The following AREL1 variants were observed in gnomAD, a reference collection of about 807,000 sequenced individuals.
The protein encoded by AREL1 is apoptosis-resistant E3 ubiquitin protein ligase 1.
AREL1 carries 62 observed loss-of-function variants against 99.0 expected under a neutral mutation model. That is an observed-to-expected ratio of 0.63 (90% CI 0.51 to 0.77). AREL1 has a LOEUF of 0.77. Ranked by LOEUF, AREL1 falls within the 30% of genes least tolerant of loss-of-function variation. AREL1 has a pLI of 0.00. For missense variants in AREL1, 879 were observed against 1,027.6 expected (o/e 0.86, Z 1.98); for synonymous variants, 380 against 376.5 (o/e 1.01, Z -0.11).
rs1234363636 is a variant in AREL1 at position 74,676,861 on chromosome 14, A to G, written c.482-109T>C. ...GCCCAGGCTGGAGTGCAGTGGCGCA[A>G]TCTCGGCTCACTGCAAGCTCTGCCT... On this transcript the variant is annotated intron_variant, in intron 5 of 19. Coordinates refer to ENST00000356357, the MANE Select transcript of AREL1 (RefSeq NM_001039479.2). The G allele has an allele frequency of 3.4e-6, 3 of 885,798 alleles. No homozygotes were observed. The East Asian group carries it at 1.0e-4, about 30-fold the overall frequency. The allele number at this position is 885,798 out of a possible 1,614,324, so 54.9% of individuals were successfully genotyped here. A position where few individuals can be genotyped will look rare whatever the true frequency, so the allele number is the denominator to read the frequency against.
chr14:74,709,801 T>C (rs2090248642), intron 1 of AREL1, among the ~76,000 whole-genome samples: 1 of 152,252 alleles, frequency 6.6e-6, no homozygotes, highest in Non-Finnish European at 1.5e-5. Context: ...AATCTACTTA[T>C]AACTTTCTAA....
chr14:74,664,695 G>A (rs986097659), intron 18 of AREL1, 141 bp downstream of exon 18: 5 of 457,474 alleles, frequency 1.1e-5, no homozygotes, highest in Non-Finnish European at 1.9e-5. Flanking sequence ...TCCTGACTTT[G>A]TGATCCGCCT....
chr14:74,664,129 A>G (rs1476697686), intron 18 of AREL1, 55 bp from the exon 19 acceptor site: 1 of 1,563,412 alleles, frequency 6.4e-7, no homozygotes, highest in South Asian at 1.2e-5. Context: ...CTAGGATTAG[A>G]TCCCTGGGGA....
intron 18 of AREL1, among the ~76,000 whole-genome samples, 187 bp downstream of exon 18, chr14:74,664,649 C>G (rs531030831): frequency 7.1e-6 from 1 of 139,884 alleles, no homozygotes; most frequent in African/African-American, 2.7e-5. Context: ...TTAGTAGAGT[C>G]GGGCTTTCAC....
chr14:74,698,614 A>G lies in AREL1; in HGVS notation c.-333-6286T>C, dbSNP rs10138739. ...ACTTGGTCCGCCATGGGAGAAGGAC[A>G]ATGCAATGTTGCAAGTGCCATAAAA... On this transcript the variant is annotated intron_variant, in intron 1 of 19. Transcript: ENST00000356357. 8.1e-3 allele frequency: 1,242 copies of G among 153,210 alleles called. 12 individuals are homozygous for G. The highest frequency in any genetic ancestry group is 0.028 in the African/African-American group (1,165 of 41,620). 9.5% of individuals were successfully genotyped at this position (153,210 alleles called of 1,614,324 possible). A position where few individuals can be genotyped will look rare whatever the true frequency, so the allele number is the denominator to read the frequency against.
Position 74,662,817 on chromosome 14 carries a change from T to C in AREL1, c.*903A>G, listed in dbSNP as rs985489587. 7 of 386,338 alleles carry C rather than the reference T, an allele frequency of 1.8e-5. No homozygotes were observed. The highest frequency in any genetic ancestry group is 1.4e-4 in the African/African-American group (7 of 48,364). The allele number at this position is 386,338 out of a possible 1,614,324, so 23.9% of individuals were successfully genotyped here. A position where few individuals can be genotyped will look rare whatever the true frequency, so the allele number is the denominator to read the frequency against. On this transcript the variant is annotated 3_prime_UTR_variant, in exon 20 of 20. Transcript: ENST00000356357. ...TCTTTTGCTACAAAATTTTCTTCAG[T>C]AGAATGCTAAAGGATCCCCAGCTTT...
chr14:74,682,522 T>C (rs1314478947), intron 5 of AREL1, among the ~76,000 whole-genome samples: 1 of 152,066 alleles, frequency 6.6e-6, no homozygotes, highest in Non-Finnish European at 1.5e-5. Flanking sequence ...GTACATAAAA[T>C]AGAATATTAT....
chr14:74,712,068 G>GAAAAAAAAAAAAAAAAAAAAA (rs1365570759), intron 1 of AREL1: 2 of 61,730 alleles, frequency 3.2e-5, no homozygotes, highest in East Asian at 4.8e-4. Flanking sequence ...AAAAAAAAAA[G>GAAAAAAAAAAAAAAAAAAAAA]AAAAAAAAAG....
At chr14:74,678,388 C>T (rs1276880689) in intron 5 of AREL1, 30 of 303,694 alleles carry the variant, frequency 9.9e-5, no homozygotes, top group Non-Finnish European at 6.4e-6. Flanking sequence ...GTCCCAGCTA[C>T]TCGGGAGGTT....
rs140183986 is a variant in AREL1, at chr14:74,681,545, C to T, written c.481+1751G>A. Among the ~76,000 whole-genome samples the T allele has an allele frequency of 7.1e-3, 1,072 of 152,028 alleles. 14 individuals are homozygous for T. The highest frequency in any genetic ancestry group is 0.025 in the African/African-American group (1,024 of 41,460). On this transcript the variant is annotated intron_variant, in intron 5 of 19. Transcript: ENST00000356357. ...ATCCCAGCACTTTGGGAGGCTGAGG[C>T]GAGCGGATCATGAGGTCAGGAGATC...
chr14:74,664,036 G>C lies in AREL1; in HGVS notation c.2232C>G (p.Thr744=). ...GAAGTAGCCGAGCCAACTCCTCCTG[G>C]GTCAGACTGGAAACCACAGTCCAAA... The part of the protein sequence containing the change: ...RWFWTVVSSL[T]QEELARLLQF... Residue 744 remains threonine, a synonymous_variant, in exon 19 of 20, where the codon ACC becomes ACG. Transcript: ENST00000356357. The C allele has an allele frequency of 1.2e-6, 2 of 1,614,030 alleles. No individual in the cohort carries two copies. The highest frequency in any genetic ancestry group is 2.2e-5 in the South Asian group (2 of 91,070).
chr14:74,690,019 G>A (rs1056852593), intron 2 of AREL1, among the ~76,000 whole-genome samples: 1 of 151,874 alleles, frequency 6.6e-6, no homozygotes, highest in African/African-American at 2.4e-5. Flanking sequence ...AGGCTGAGGT[G>A]GGAAGATCAC....
chr14:74,694,215 A>G (rs1344413554), intron 1 of AREL1, among the ~76,000 whole-genome samples: 1 of 152,088 alleles, frequency 6.6e-6, no homozygotes, highest in East Asian at 1.9e-4. Context: ...ATGCCAACAG[A>G]CTTGCCAAGT....
rs1340286057 is a variant in AREL1 at position 74,663,139 on chromosome 14, T to A, written c.*581A>T. 1 of 155,506 alleles carries A rather than the reference T, an allele frequency of 6.4e-6. No homozygotes were observed. Among genetic ancestry groups the A allele is most frequent in the African/African-American group, 2.4e-5 (1 of 41,542 alleles). 9.6% of individuals were successfully genotyped at this position (155,506 alleles called of 1,614,324 possible). A position where few individuals can be genotyped will look rare whatever the true frequency, so the allele number is the denominator to read the frequency against. On this transcript the variant is annotated 3_prime_UTR_variant, in exon 20 of 20. Transcript: ENST00000356357. Reference sequence around the variant, plus strand: ...TGACACCACAAAAAAATATTCTTTTTAGCAGTCCTTAGAGGCAGTCCAGTG... The same window carrying A: ...TGACACCACAAAAAAATATTCTTTTAAGCAGTCCTTAGAGGCAGTCCAGTG...
chr14:74,701,509 A>G (rs2090085275), intron 1 of AREL1, among the ~76,000 whole-genome samples: 1 of 152,226 alleles, frequency 6.6e-6, no homozygotes, highest in Admixed American at 6.5e-5. Context: ...CCACAAGAAC[A>G]GTATGTGGGA....
chr14:74,704,365 AT>A (rs2090138476), intron 1 of AREL1, among the ~76,000 whole-genome samples: 3 of 152,152 alleles, frequency 2.0e-5, no homozygotes, highest in Admixed American at 6.5e-5. Flanking sequence ...GCTTTTATAC[AT>A]TTTAGGGAGA....
intron 5 of AREL1, among the ~76,000 whole-genome samples, chr14:74,677,781 G>A (rs1213513514): frequency 1.3e-5 from 2 of 149,870 alleles, no homozygotes; most frequent in East Asian, 1.9e-4. Context: ...AATTACAGGC[G>A]TAAGCCACGG....
At position 74,684,563 on chromosome 14, in the gene AREL1, G is replaced by T; in HGVS notation, c.134C>A (p.Thr45Asn). ...ATTTCCCCGCACGTAGTCATAAATA[G>T]TCCGGTCCCCTCGGCGCTCGCGGTC... ...NEDRERRGDR[T>N]IYDYVRGNYL... Residue 45 changes from threonine (T) to asparagine (N), a missense_variant, in exon 4 of 20, where the codon ACT becomes AAT. Transcript: ENST00000356357. 1.9e-6 allele frequency: 3 copies of T among 1,614,168 alleles called. No homozygotes were observed. The highest frequency in any genetic ancestry group is 2.5e-6 in the Non-Finnish European group (3 of 1,180,026).
In AREL1 at chr14:74,675,808, C is replaced by T. The variant is rs763464411; in HGVS notation, c.971G>A (p.Arg324His). 62 of 1,613,988 alleles carry T rather than the reference C, an allele frequency of 3.8e-5. No homozygotes were observed. The highest frequency in any genetic ancestry group is 8.9e-5 in the East Asian group (4 of 44,888). ...LPPMHMTSSQ[R>H]RPSTAVDEED... The stretch of plus-strand genomic sequence containing the variant: ...CTCGTCAACAGCAGTGGATGGCCGG[C>T]GCTGGGAAGAGGTCATGTGCATGGG... The change falls in exon 8 of 20, where the codon CGC becomes CAC. Residue 324 changes from arginine (R) to histidine (H), a missense_variant. Coordinates refer to ENST00000356357, the MANE Select transcript of AREL1 (RefSeq NM_001039479.2).
Sources: gnomAD v4.1 joint callset for allele counts (sites outside exome capture counted in the v4.1 genomes callset) on GRCh38, gnomAD v4.1.1 for gene constraint, MANE v1.5 for transcripts, NCBI Gene and HGNC (gene_info 2026-07-23, HGNC 2026-07-21) for gene names.